The following BNIP5 variants were observed in gnomAD, a reference collection of about 807,000 sequenced individuals.
The protein encoded by BNIP5 is protein BNIP5.
A neutral mutation model predicts 67.3 loss-of-function variants in BNIP5; 61 were observed. The ratio of observed to expected loss-of-function variants is 0.91; its 90% confidence interval spans 0.74 to 1.12. BNIP5 has a LOEUF of 1.12. Ranked by LOEUF, BNIP5 falls within the 50% of genes most tolerant of loss-of-function variation. The pLI is 0.00. For missense variants in BNIP5, 826 were observed against 816.3 expected (o/e 1.01, Z -0.14); for synonymous variants, 317 against 319.0 (o/e 0.99, Z 0.07).
chr6:36,319,549 T>C lies in BNIP5; in HGVS notation c.1730A>G (p.Lys577Arg), dbSNP rs759873742. Residue 577 changes from lysine (K) to arginine (R), a missense_variant, in exon 11 of 12, where the codon AAG becomes AGG. Transcript: ENST00000437635. ...CTGGCTGCGCAGGGTGGCTACCAGC[T>C]TGCTGAGGGAGGAGTCCGAGAACTC... ...FYEFSDSSLS[K>R]LVATLRSQVA... 1.2e-6 allele frequency: 2 copies of C among 1,614,140 alleles called. No homozygotes were observed. The highest frequency in any genetic ancestry group is 2.2e-5 in the South Asian group (2 of 91,082).
intron 5 of BNIP5, 92 bp downstream of exon 5, chr6:36,326,418 C>T (rs1771761530): frequency 8.6e-6 from 13 of 1,516,178 alleles, no homozygotes; most frequent in African/African-American, 1.4e-5. Context: ...AGGCACAACG[C>T]AACCTTTAAA....
intron 5 of BNIP5, among the ~76,000 whole-genome samples, 186 bp from the exon 6 acceptor site, chr6:36,325,600 C>G (rs1771745585): frequency 6.6e-6 from 1 of 152,150 alleles, no homozygotes. Flanking sequence ...TTCCCTTATC[C>G]CTTTGTGCTT....
chr6:36,328,043 G>A (rs1175428907), intron 3 of BNIP5, among the ~76,000 whole-genome samples: 3 of 152,108 alleles, frequency 2.0e-5, no homozygotes, highest in African/African-American at 7.2e-5. Context: ...TTTTTTACAG[G>A]GAATTAGATG....
intron 11 of BNIP5, 58 bp downstream of exon 11, chr6:36,319,298 G>C: frequency 1.3e-6 from 2 of 1,591,620 alleles, no homozygotes; most frequent in Non-Finnish European, 1.7e-6. Context: ...CTGGAGGCCA[G>C]CTGTGAGCCT....
At chr6:36,328,042 G>C (rs953888705) in intron 3 of BNIP5, among the ~76,000 whole-genome samples, 37 of 152,124 alleles carry the variant, frequency 2.4e-4, no homozygotes, top group Non-Finnish European at 4.7e-4. Flanking sequence ...CTTTTTTACA[G>C]GGAATTAGAT....
chr6:36,316,929 T>C lies in BNIP5; in HGVS notation c.*427A>G, dbSNP rs1221402624. The C allele has an allele frequency of 4.8e-6, 2 of 415,712 alleles. No homozygotes were observed. Among genetic ancestry groups the C allele is most frequent in the South Asian group, 1.0e-4 (1 of 9,996 alleles). 25.8% of individuals were successfully genotyped at this position (415,712 alleles called of 1,614,324 possible). A position where few individuals can be genotyped will look rare whatever the true frequency, so the allele number is the denominator to read the frequency against. ...CGATGCATATCTGTTTGGATGCATG[T>C]GGATGTTCTGTTTAGAGATTAAATA... On this transcript the variant is annotated 3_prime_UTR_variant, in exon 12 of 12. Transcript: ENST00000437635.
chr6:36,335,613 A>G (rs1055439092), intron 1 of BNIP5, among the ~76,000 whole-genome samples: 6 of 152,228 alleles, frequency 3.9e-5, no homozygotes, highest in African/African-American at 1.2e-4. Context: ...AAACAAACAA[A>G]TGATACACAG....
chr6:36,329,146 C>G (rs1771829079), intron 2 of BNIP5, among the ~76,000 whole-genome samples: 1 of 152,220 alleles, frequency 6.6e-6, no homozygotes, highest in South Asian at 2.1e-4. Flanking sequence ...GGTCACACAG[C>G]AAGTTTACTC....
In BNIP5 at chr6:36,330,534, T is replaced by C; in HGVS notation, c.157A>G (p.Ser53Gly). 1 of 1,614,072 alleles carries C rather than the reference T, an allele frequency of 6.2e-7. No individual in the cohort carries two copies. Among genetic ancestry groups the C allele is most frequent in the Non-Finnish European group, 8.5e-7 (1 of 1,180,014 alleles). The change falls in exon 2 of 12, where the codon AGT becomes GGT. Residue 53 changes from serine to glycine, a missense_variant. By Grantham distance (56) the Ser-to-Gly change is moderately conservative. Coordinates refer to ENST00000437635, the MANE Select transcript of BNIP5 (RefSeq NM_001010903.5). ...CTGTCTGAATGTCTGGCCCAATCAC[T>C]GGTCGTCCAGTGAAGCGCCTTCCTG... ...PSRKALHWTT[S>G]DWARHSDSPA...
chr6:36,324,261 T>C lies in BNIP5; in HGVS notation c.1169-71A>G, dbSNP rs563645285. 26 of 1,393,098 alleles carry C rather than the reference T, an allele frequency of 1.9e-5. 1 individual carries two copies. Among genetic ancestry groups the C allele is most frequent in the East Asian group, 9.1e-5 (4 of 43,858 alleles). 86.3% of individuals were successfully genotyped at this position (1,393,098 alleles called of 1,614,324 possible). ...TCTTCTGCGGTCAGTCTTCATTTCC[T>C]AATGCCCCGGTGGCTCCCTGGGTGA... On this transcript the variant is annotated intron_variant, in intron 6 of 11. Coordinates refer to ENST00000437635, the MANE Select transcript of BNIP5 (RefSeq NM_001010903.5).
chr6:36,327,162 C>A, intron 3 of BNIP5, 68 bp from the exon 4 acceptor site: 1 of 1,384,344 alleles, frequency 7.2e-7, no homozygotes, highest in Admixed American at 1.7e-5. Flanking sequence ...AAATTACCAT[C>A]TTGGATAGTT....
intron 6 of BNIP5, among the ~76,000 whole-genome samples, chr6:36,324,448 T>A (rs1482497909): frequency 6.6e-6 from 1 of 150,996 alleles, no homozygotes; most frequent in South Asian, 2.1e-4. Flanking sequence ...GCCCTCATCC[T>A]GCACCTTCTC....
intron 11 of BNIP5, 25 bp downstream of exon 11, chr6:36,319,331 C>A (rs746088737): frequency 1.9e-6 from 3 of 1,610,288 alleles, no homozygotes; most frequent in Non-Finnish European, 2.5e-6. Flanking sequence ...GCTACATTGC[C>A]ATTGTCTTCC....
chr6:36,323,053 A>C (rs1466257457), intron 8 of BNIP5, among the ~76,000 whole-genome samples: 1 of 152,026 alleles, frequency 6.6e-6, no homozygotes, highest in Non-Finnish European at 1.5e-5. Context: ...GTGGAGAGGG[A>C]GGGGAGGGCG....
chr6:36,332,236 C>T (rs1305367722), intron 1 of BNIP5, among the ~76,000 whole-genome samples: 4 of 152,134 alleles, frequency 2.6e-5, no homozygotes, highest in Non-Finnish European at 4.4e-5. Flanking sequence ...GTCCCTCTTT[C>T]TAGAACATTC....
At chr6:36,331,060 G>A (rs567574658) in intron 1 of BNIP5, among the ~76,000 whole-genome samples, 25 of 152,074 alleles carry the variant, frequency 1.6e-4, no homozygotes, top group Non-Finnish European at 2.6e-4. Flanking sequence ...CACCTCGCCC[G>A]GCCAAACAGC....
At chr6:36,329,804 C>G (rs1771843121) in intron 2 of BNIP5, among the ~76,000 whole-genome samples, 1 of 147,854 alleles carries the variant, frequency 6.8e-6, no homozygotes, top group Non-Finnish European at 1.5e-5. Flanking sequence ...GAGGCTCCAT[C>G]TCAAAAAGAA....
chr6:36,316,011 G>T lies in BNIP5; in HGVS notation c.*1345C>A, dbSNP rs1561878691. ...ACCTCTCCCCCACTTCTCAGAAGCAGCAATAAAAACTAAATGGCTTTCCGG... is the reference window on the plus strand; with the variant it reads ...ACCTCTCCCCCACTTCTCAGAAGCATCAATAAAAACTAAATGGCTTTCCGG... On this transcript the variant is annotated 3_prime_UTR_variant, in exon 12 of 12. Transcript: ENST00000437635. 1 of 153,524 alleles carries T rather than the reference G, an allele frequency of 6.5e-6. No homozygotes were observed. The highest frequency in any genetic ancestry group is 2.4e-5 in the African/African-American group (1 of 41,468). The allele number at this position is 153,524 out of a possible 1,614,324, so 9.5% of individuals were successfully genotyped here. A position where few individuals can be genotyped will look rare whatever the true frequency, so the allele number is the denominator to read the frequency against.
intron 1 of BNIP5, 77 bp from the exon 2 acceptor site, chr6:36,330,771 T>C: frequency 6.7e-7 from 1 of 1,492,568 alleles, no homozygotes; most frequent in Non-Finnish European, 8.8e-7. Context: ...TTTTGTTTGT[T>C]TTTGTTTTTT....
Sources: allele counts gnomAD v4.1 joint callset (sites outside exome capture counted in the v4.1 genomes callset), GRCh38; gene constraint gnomAD v4.1.1; transcripts MANE v1.5; gene names NCBI Gene and HGNC (gene_info 2026-07-23, HGNC 2026-07-21).